The following SLC22A23 variants were observed in gnomAD, a reference collection of about 807,000 sequenced individuals.
SLC22A23 encodes ion transporter protein.
A neutral mutation model predicts 61.0 loss-of-function variants in SLC22A23; 26 were observed. That is an observed-to-expected ratio of 0.43 (90% confidence interval 0.31 to 0.59). SLC22A23 has a LOEUF of 0.59. Among genes scored for constraint, SLC22A23 ranks in the 20% least tolerant of loss-of-function variants. The pLI, the probability that SLC22A23 is intolerant of heterozygous loss-of-function variation, is 0.11. For missense variants in SLC22A23, 796 were observed against 934.7 expected (o/e 0.85, Z 1.94); for synonymous variants, 430 against 413.9 (o/e 1.04, Z -0.47).
intron 2 of SLC22A23, among the ~76,000 whole-genome samples, chr6:3,412,423 A>G (rs1769331102): frequency 6.6e-6 from 1 of 152,216 alleles, no homozygotes; most frequent in African/African-American, 2.4e-5. Flanking sequence ...TGTCTGCTTC[A>G]TAATGTTATC....
chr6:3,367,817 C>T (rs141318083), intron 3 of SLC22A23, among the ~76,000 whole-genome samples: 95 of 152,290 alleles, frequency 6.2e-4, no homozygotes, highest in African/African-American at 2.2e-3. Context: ...CCAGTGACCC[C>T]AACTGGGACT....
intron 9 of SLC22A23, among the ~76,000 whole-genome samples, chr6:3,279,098 A>G (rs1362378880): frequency 6.6e-6 from 1 of 152,238 alleles, no homozygotes; most frequent in South Asian, 2.1e-4. Flanking sequence ...AGATCATTAG[A>G]AAAATGTCTA....
rs756458794 is a variant in SLC22A23 at position 3,286,931 on chromosome 6, G to A, written c.1474C>T (p.Arg492Cys). ...ATGAAGAGCAGCAGCCCTCCCCTGC[G>A]CCCGAGGAATCGGACCACCACGCAC... ...AMCVVVRFLG[R>C]RGGLLLFMIL... Residue 492 changes from arginine to cysteine, a missense_variant, in exon 7 of 10, where the codon CGC becomes TGC. Physicochemically the swap from Arg to Cys is radical, Grantham distance 180 (BLOSUM62 -3). Coordinates refer to ENST00000406686, the MANE Select transcript of SLC22A23 (RefSeq NM_015482.2). The surrounding 1 kb of genome is among the most constrained non-coding windows in gnomAD (Gnocchi z 4.2). The A allele has an allele frequency of 7.4e-6, 12 of 1,613,686 alleles. No homozygotes were observed. The highest frequency in any genetic ancestry group is 2.7e-5 in the African/African-American group (2 of 74,926).
chr6:3,338,819 G>A (rs1276868898), intron 3 of SLC22A23, among the ~76,000 whole-genome samples: 1 of 152,252 alleles, frequency 6.6e-6, no homozygotes, highest in Admixed American at 6.5e-5. Flanking sequence ...GTTTAATTAT[G>A]TAAGATGATG....
chr6:3,439,160 G>A (rs1442129266), intron 1 of SLC22A23: 2 of 338,402 alleles, frequency 5.9e-6, no homozygotes, highest in Non-Finnish European at 1.2e-5. Flanking sequence ...CCTGTGCCCT[G>A]TAGGATGTTT....
chr6:3,398,609 C>G (rs1157843627), intron 3 of SLC22A23, among the ~76,000 whole-genome samples: 2 of 151,968 alleles, frequency 1.3e-5, no homozygotes, highest in Non-Finnish European at 2.9e-5. Flanking sequence ...ACTCTGTCAC[C>G]TGGGAACACT....
In SLC22A23 at chr6:3,456,005, C is replaced by T; in HGVS notation, c.555G>A (p.Leu185=). ...SGADGGDTPP[L]PSPPDKGDNA... Reference sequence around the variant, plus strand: ...TGTCCCCCTTGTCCGGAGGGGATGGCAGGGGTGGTGTGTCGCCTCCGTCCG... The same window carrying T: ...TGTCCCCCTTGTCCGGAGGGGATGGTAGGGGTGGTGTGTCGCCTCCGTCCG... The change falls in exon 1 of 10, where the codon CTG becomes CTA. Residue 185 remains leucine, a synonymous_variant. Transcript: ENST00000406686. The surrounding 1 kb of genome is among the most constrained non-coding windows in gnomAD (Gnocchi z 7.1). The T allele has an allele frequency of 6.5e-7, 1 of 1,547,132 alleles. No individual in the cohort carries two copies. The highest frequency in any genetic ancestry group is 8.7e-7 in the Non-Finnish European group (1 of 1,146,790).
rs1425615756 is a variant in SLC22A23 at position 3,328,589 on chromosome 6, T to C, written c.914-4587A>G. ...CTAGATAATTTGGGTGGGTCTCGCC[T>C]CATCTGTTGAAAGACCTGAACATAG... On this transcript the variant is annotated intron_variant, in intron 3 of 9. Transcript: ENST00000406686. This position sits in a 1 kb window ranked among gnomAD's most constrained non-coding sequence, Gnocchi z 5.0. 5.9e-5 allele frequency among the ~76,000 whole-genome samples: 9 copies of C among 151,986 alleles called. No individual in the cohort carries two copies. Among genetic ancestry groups the C allele is most frequent in the Admixed American group, 5.9e-4 (9 of 15,250 alleles).
At chr6:3,348,883 T>C (rs1764600242) in intron 3 of SLC22A23, among the ~76,000 whole-genome samples, 1 of 152,190 alleles carries the variant, frequency 6.6e-6, no homozygotes, top group African/African-American at 2.4e-5. Flanking sequence ...GGCTTAGGAA[T>C]TTAGAGGCTT....
At chr6:3,299,175 A>G (rs1411603785) in intron 4 of SLC22A23, among the ~76,000 whole-genome samples, 2 of 152,254 alleles carry the variant, frequency 1.3e-5, no homozygotes, top group South Asian at 2.1e-4. Context: ...AGTAGCGGAT[A>G]TGAACAACAT....
intron 9 of SLC22A23, among the ~76,000 whole-genome samples, chr6:3,280,831 T>G (rs1183356667): frequency 6.6e-6 from 1 of 152,102 alleles, no homozygotes; most frequent in East Asian, 1.9e-4. Flanking sequence ...TTGAACAGAC[T>G]CTGATACTCC....
intron 3 of SLC22A23, among the ~76,000 whole-genome samples, chr6:3,404,218 T>A (rs1057018314): frequency 2.0e-5 from 3 of 151,998 alleles, no homozygotes; most frequent in African/African-American, 7.3e-5. Context: ...GACATAGATC[T>A]ACCTTCACCA....
At chr6:3,302,654 A>C (rs1761695717) in intron 4 of SLC22A23, among the ~76,000 whole-genome samples, 1 of 152,128 alleles carries the variant, frequency 6.6e-6, no homozygotes, top group Non-Finnish European at 1.5e-5. Context: ...TGTATGAAGA[A>C]ATTTTTTAGT....
intron 3 of SLC22A23, among the ~76,000 whole-genome samples, chr6:3,399,896 G>A (rs1768264481): frequency 6.6e-6 from 1 of 152,020 alleles, no homozygotes; most frequent in African/African-American, 2.4e-5. Flanking sequence ...TTATTTTTTT[G>A]AGACGGAGTT....
At chr6:3,405,615 C>CA (rs1445489081) in intron 3 of SLC22A23, among the ~76,000 whole-genome samples, 2 of 136,756 alleles carry the variant, frequency 1.5e-5, no homozygotes, top group African/African-American at 3.1e-5. Flanking sequence ...TTGGCTCAGT[C>CA]AAATTTTTTT....
intron 1 of SLC22A23, among the ~76,000 whole-genome samples, chr6:3,436,311 TTCTTAG>T (rs1237781945): frequency 6.6e-6 from 1 of 152,142 alleles, no homozygotes; most frequent in Non-Finnish European, 1.5e-5. Context: ...ATTTTTTGTA[TTCTTAG>T]TAGAGATGGT....
rs1424356831 is a variant in SLC22A23, at chr6:3,308,764, G to A, written c.1083-10546C>T. On this transcript the variant is annotated intron_variant, in intron 4 of 9. Transcript: ENST00000406686. This position sits in a 1 kb window ranked among gnomAD's most constrained non-coding sequence, Gnocchi z 5.1. ...TCAAGACCAGCCTGACCAACATGGT[G>A]AAACCCCGTCTCTACTAAAAATACA... 1.3e-5 allele frequency among the ~76,000 whole-genome samples: 2 copies of A among 152,120 alleles called. No homozygotes were observed. Among genetic ancestry groups the A allele is most frequent in the African/African-American group, 2.4e-5 (1 of 41,408 alleles).
chr6:3,433,807 A>G (rs1344166031), intron 1 of SLC22A23, among the ~76,000 whole-genome samples: 1 of 152,192 alleles, frequency 6.6e-6, no homozygotes, highest in Non-Finnish European at 1.5e-5. Flanking sequence ...GGCCTCCTTC[A>G]TATAACCTTC....
At chr6:3,275,739 T>C (rs568175777) in intron 9 of SLC22A23, among the ~76,000 whole-genome samples, 6 of 152,324 alleles carry the variant, frequency 3.9e-5, no homozygotes, top group Non-Finnish European at 8.8e-5. Flanking sequence ...CGTGCCACCA[T>C]GCCCAGCTAA....
Sources: allele counts gnomAD v4.1 joint callset (sites outside exome capture counted in the v4.1 genomes callset), GRCh38; gene constraint gnomAD v4.1.1; non-coding constraint Gnocchi (gnomAD v3.1); transcripts MANE v1.5; gene names NCBI Gene and HGNC (gene_info 2026-07-23, HGNC 2026-07-21).